MAML3: variants seen among roughly 807,000 people sequenced by gnomAD.
The protein encoded by MAML3 is mastermind-like protein 3.
MAML3 carries 27 observed loss-of-function variants against 101.9 expected under a neutral mutation model. The ratio of observed to expected loss-of-function variants is 0.27; its 90% confidence interval spans 0.20 to 0.37. The LOEUF (loss-of-function observed/expected upper bound fraction) is 0.37. Among genes scored for constraint, MAML3 ranks in the 10% least tolerant of loss-of-function variants. The pLI is 1.00. For synonymous variants in MAML3, 501 were observed against 555.9 expected, an observed-to-expected ratio of 0.90 and a Z score of 1.39; for missense variants, 1,316 against 1,444.9, an observed-to-expected ratio of 0.91 and a Z score of 1.45.
At chr4:139,848,667 C>A (rs1731490674) in intron 2 of MAML3, among the ~76,000 whole-genome samples, 1 of 152,104 alleles carries the variant, frequency 6.6e-6, no homozygotes, top group South Asian at 2.1e-4. Flanking sequence ...TTAAAAAATT[C>A]TTGAGAGATA....
chr4:140,042,809 G>A (rs1727109882), intron 1 of MAML3, among the ~76,000 whole-genome samples: 1 of 152,088 alleles, frequency 6.6e-6, no homozygotes, highest in African/African-American at 2.4e-5. Context: ...TACTGTTAGA[G>A]GAGAGGTGTC....
intron 1 of MAML3, among the ~76,000 whole-genome samples, chr4:139,898,018 C>T (rs146481738): frequency 1.3e-5 from 2 of 152,336 alleles, no homozygotes; most frequent in East Asian, 1.9e-4. Context: ...GTGTCCTTTA[C>T]AATTCAGTTT....
intron 2 of MAML3, among the ~76,000 whole-genome samples, chr4:139,849,963 C>T (rs937701843): frequency 3.9e-5 from 6 of 152,192 alleles, no homozygotes; most frequent in Admixed American, 3.9e-4. Flanking sequence ...ACTCATGGAC[C>T]TTTATACTAT....
chr4:139,851,210 C>G (rs1231516313), intron 2 of MAML3, among the ~76,000 whole-genome samples: 1 of 152,220 alleles, frequency 6.6e-6, no homozygotes, highest in African/African-American at 2.4e-5. Flanking sequence ...CCAGCCTTTT[C>G]TTAAATATAC....
chr4:139,877,993 T>C lies in MAML3; in HGVS notation c.2079+11364A>G, dbSNP rs551580602. Among the ~76,000 whole-genome samples the C allele has an allele frequency of 3.2e-4, 48 of 152,342 alleles. 1 individual carries two copies. The South Asian group carries it at 9.5e-3, about 30-fold the overall frequency. ...TACTTCTTCCCTCTAAATGCCACTA[T>C]GGCCATTGTTCTCTTAAATTTTAAC... is the stretch of plus-strand genomic sequence containing the variant. On this transcript the variant is annotated intron_variant, in intron 2 of 4. Transcript: ENST00000509479.
At chr4:139,734,842 G>T (rs1363132796) in intron 2 of MAML3, among the ~76,000 whole-genome samples, 1 of 152,272 alleles carries the variant, frequency 6.6e-6, no homozygotes, top group Non-Finnish European at 1.5e-5. Flanking sequence ...CACAAAAGAC[G>T]GCCGGCGGCG....
At chr4:139,909,182 T>G (rs1732872961) in intron 1 of MAML3, among the ~76,000 whole-genome samples, 1 of 152,118 alleles carries the variant, frequency 6.6e-6, no homozygotes, top group South Asian at 2.1e-4. Context: ...AATTCCTAAT[T>G]TGAAAATAGG....
At chr4:139,899,224 A>C (rs951260134) in intron 1 of MAML3, among the ~76,000 whole-genome samples, 12 of 152,152 alleles carry the variant, frequency 7.9e-5, no homozygotes, top group Non-Finnish European at 1.6e-4. Flanking sequence ...GCATACACAT[A>C]CAAATCCAAT....
chr4:140,151,259 G>A (rs1477930985), intron 1 of MAML3, among the ~76,000 whole-genome samples: 1 of 152,066 alleles, frequency 6.6e-6, no homozygotes, highest in Non-Finnish European at 1.5e-5. Flanking sequence ...CTGCCGGCGG[G>A]ACTGGGCAGG....
intron 1 of MAML3, among the ~76,000 whole-genome samples, chr4:140,035,623 C>T (rs933890649): frequency 4.0e-5 from 6 of 151,846 alleles, no homozygotes; most frequent in Admixed American, 1.3e-4. Flanking sequence ...AGTGAAAACC[C>T]GTCTACTAAA....
chr4:139,856,395 T>C (rs758191187), intron 2 of MAML3, among the ~76,000 whole-genome samples: 2 of 152,230 alleles, frequency 1.3e-5, no homozygotes, highest in Non-Finnish European at 2.9e-5. Flanking sequence ...TACAAGGACC[T>C]GCAATGTAGA....
At chr4:139,774,018 C>A (rs927002472) in intron 2 of MAML3, among the ~76,000 whole-genome samples, 1 of 152,166 alleles carries the variant, frequency 6.6e-6, no homozygotes, top group Non-Finnish European at 1.5e-5. Flanking sequence ...TCAAGCAAGC[C>A]ATAGCAGGCC....
intron 1 of MAML3, among the ~76,000 whole-genome samples, chr4:139,893,618 G>A (rs1314180929): frequency 6.6e-6 from 1 of 152,170 alleles, no homozygotes; most frequent in Non-Finnish European, 1.5e-5. Context: ...ATCTGAGCAG[G>A]AGGCAGCCCC....
intron 1 of MAML3, among the ~76,000 whole-genome samples, chr4:140,150,664 G>C (rs745343533): frequency 3.3e-5 from 5 of 152,182 alleles, no homozygotes; most frequent in Non-Finnish European, 5.9e-5. Flanking sequence ...AAAAGAGGAC[G>C]CGGGGTGGGC....
At chr4:139,904,993 T>C (rs556503406) in intron 1 of MAML3, among the ~76,000 whole-genome samples, 54 of 152,352 alleles carry the variant, frequency 3.5e-4, no homozygotes, top group Admixed American at 2.2e-3. Context: ...TTGACTGAAA[T>C]GTCATTATGT....
At chr4:139,810,267 G>A (rs979741780) in intron 2 of MAML3, among the ~76,000 whole-genome samples, 4 of 143,586 alleles carry the variant, frequency 2.8e-5, no homozygotes, top group Non-Finnish European at 4.5e-5. Context: ...ATCATAGCTC[G>A]CTGCAGCCTC....
chr4:140,112,789 G>A (rs1054834445), intron 1 of MAML3, among the ~76,000 whole-genome samples: 6 of 152,236 alleles, frequency 3.9e-5, no homozygotes, highest in Middle Eastern at 3.4e-3. Flanking sequence ...TCCACTTGTC[G>A]GGAAAATTGC....
intron 2 of MAML3, among the ~76,000 whole-genome samples, chr4:139,863,832 G>GATTT (rs1467832754): frequency 2.7e-5 from 3 of 111,254 alleles, no homozygotes; most frequent in Non-Finnish European, 5.7e-5. Flanking sequence ...CAGAACATGG[G>GATTT]TTTTTTTTTT....
chr4:139,883,476 T>A (rs1469246685), intron 2 of MAML3, among the ~76,000 whole-genome samples: 2 of 152,154 alleles, frequency 1.3e-5, no homozygotes, highest in African/African-American at 4.8e-5. Context: ...CTTTTAAACA[T>A]GGGCTACTTT....
Sources: allele counts gnomAD v4.1 joint callset (sites outside exome capture counted in the v4.1 genomes callset), GRCh38; gene constraint gnomAD v4.1.1; transcripts MANE v1.5; gene names NCBI Gene and HGNC (gene_info 2026-07-23, HGNC 2026-07-21).